ZNF667: variants seen among roughly 807,000 people sequenced by gnomAD.
The protein encoded by ZNF667 is myocardial ischemic preconditioning upregulated 1 ortholog.
ZNF667 carries 13 observed loss-of-function variants against 31.8 expected under a neutral mutation model. The observed-to-expected ratio is 0.41, with a 90% CI of 0.27 to 0.65. The LOEUF (loss-of-function observed/expected upper bound fraction) is 0.65. ZNF667 is among the 30% of genes least tolerant of loss of function. The probability of loss-of-function intolerance (pLI) is 0.32; values close to 1 mark genes in which losing one functional copy is unlikely to be tolerated. For missense variants in ZNF667, 642 were observed against 725.6 expected, an observed-to-expected ratio of 0.88 and a Z score of 1.32; for synonymous variants, 228 against 247.1, an observed-to-expected ratio of 0.92 and a Z score of 0.73.
At chr19:56,470,079 C>G in intron 3 of ZNF667, 1 of 455,150 alleles carries the variant, frequency 2.2e-6, no homozygotes, top group South Asian at 1.6e-5. Context: ...TGACCTTGGG[C>G]AAGTTACTGA....
chr19:56,456,940 C>T (rs754923692), intron 6 of ZNF667, among the ~76,000 whole-genome samples: 13 of 151,966 alleles, frequency 8.6e-5, no homozygotes, highest in Admixed American at 7.9e-4. Context: ...AAATAATGCA[C>T]GTGTCTTCTT....
chr19:56,467,514 A>G (rs2043188841), intron 3 of ZNF667, among the ~76,000 whole-genome samples: 1 of 152,078 alleles, frequency 6.6e-6, no homozygotes, highest in African/African-American at 2.4e-5. Flanking sequence ...CTCCAACTCA[A>G]TTCTGACACT....
chr19:56,474,833 T>C (rs1329567124), intron 1 of ZNF667: 1 of 152,166 alleles, frequency 6.6e-6, no homozygotes, highest in East Asian at 1.9e-4. Flanking sequence ...CGCCCTTTTT[T>C]TTCTTTTTTT....
chr19:56,450,381 C>T (rs1456626180), intron 6 of ZNF667, among the ~76,000 whole-genome samples: 1 of 152,146 alleles, frequency 6.6e-6, no homozygotes, highest in Admixed American at 6.5e-5. Context: ...AAATGCCCTT[C>T]AAACAGGAAG....
intron 1 of ZNF667, chr19:56,474,618 TG>T (rs1313767514): frequency 7.2e-5 from 11 of 152,710 alleles, no homozygotes; most frequent in African/African-American, 2.6e-4. Context: ...AGAGGTCACT[TG>T]CATCCTCCCC....
At chr19:56,465,071 A>C (rs1486487772) in intron 3 of ZNF667, among the ~76,000 whole-genome samples, 1 of 152,242 alleles carries the variant, frequency 6.6e-6, no homozygotes, top group Non-Finnish European at 1.5e-5. Context: ...ATAAAAAGGC[A>C]GTTGTCTGAA....
chr19:56,456,828 G>A (rs537114879), intron 6 of ZNF667, among the ~76,000 whole-genome samples: 16 of 152,254 alleles, frequency 1.1e-4, no homozygotes, highest in African/African-American at 3.6e-4. Flanking sequence ...AACTGTTTTT[G>A]TCTTTTCCTT....
intron 6 of ZNF667, among the ~76,000 whole-genome samples, chr19:56,448,376 G>T (rs1303836447): frequency 6.6e-6 from 1 of 152,160 alleles, no homozygotes; most frequent in South Asian, 2.1e-4. Context: ...ACACTCTGGT[G>T]TCCTAAGTAA....
At chr19:56,477,251 C>T (rs1412711305) in intron 1 of ZNF667, 21 bp downstream of exon 1, 1 of 152,178 alleles carries the variant, frequency 6.6e-6, no homozygotes, top group East Asian at 1.9e-4. Flanking sequence ...GACACACCCA[C>T]ACTCTCGCCA....
chr19:56,466,669 T>G (rs2147810283), intron 3 of ZNF667, among the ~76,000 whole-genome samples: 1 of 152,350 alleles, frequency 6.6e-6, no homozygotes, highest in East Asian at 1.9e-4. Flanking sequence ...AGCCACATCC[T>G]GAGCTGACCA....
At chr19:56,444,544 C>A (rs981148832) in intron 6 of ZNF667, among the ~76,000 whole-genome samples, 8 of 145,556 alleles carry the variant, frequency 5.5e-5, no homozygotes, top group African/African-American at 2.1e-4. Flanking sequence ...CCCCCATGAT[C>A]CAATCACCTC....
chr19:56,458,994 C>T (rs546773181), intron 5 of ZNF667, among the ~76,000 whole-genome samples: 1 of 152,152 alleles, frequency 6.6e-6, no homozygotes, highest in Non-Finnish European at 1.5e-5. Context: ...AAGTAGGGGA[C>T]AGTCCTGTGG....
At chr19:56,453,050 T>G (rs1031514837) in intron 6 of ZNF667, among the ~76,000 whole-genome samples, 5 of 152,096 alleles carry the variant, frequency 3.3e-5, no homozygotes, top group African/African-American at 1.2e-4. Flanking sequence ...TGATTGCAAC[T>G]GATACTACAG....
intron 1 of ZNF667, chr19:56,475,982 G>T (rs928917530): frequency 6.6e-5 from 10 of 152,192 alleles, no homozygotes; most frequent in Admixed American, 6.5e-4. Flanking sequence ...TTCTCCAGGT[G>T]TGGGACGCCT....
rs1256528981 is a variant in ZNF667 at position 56,442,739 on chromosome 19, A to G, written c.256T>C (p.Ser86Pro). 2.6e-6 allele frequency: 4 copies of G among 1,556,456 alleles called. No homozygotes were observed. In the South Asian group the frequency reaches 4.9e-5, roughly 19 times the overall value. Residue 86 changes from serine (S) to proline (P), a missense_variant and splice_region_variant, in exon 7 of 7, where the codon TCG becomes CCG. Physicochemically the swap from Ser to Pro is moderately conservative, Grantham distance 74 (BLOSUM62 -1). Transcript: ENST00000504904. ...TTCTTGGTCTCACATTTAGACCCCGAGTCTGAAAGACATAAAGGAATTAAA... is the reference window on the plus strand; with the variant it reads ...TTCTTGGTCTCACATTTAGACCCCGGGTCTGAAAGACATAAAGGAATTAAA... ...EPVRRRRAPD[S>P]GSKCETKKLP...
chr19:56,441,075 T>C lies in ZNF667; in HGVS notation c.*87A>G, dbSNP rs928793821. 3 of 1,511,010 alleles carry C rather than the reference T, an allele frequency of 2.0e-6. No homozygotes were observed. Among genetic ancestry groups the C allele is most frequent in the African/African-American group, 2.8e-5 (2 of 71,926 alleles). The allele number at this position is 1,511,010 out of a possible 1,614,324, so 93.6% of individuals were successfully genotyped here. ...TGGGACATATCATCAAATGGTCCCA[T>C]ATACACAAAATTTACATTATAGACA... On this transcript the variant is annotated 3_prime_UTR_variant, in exon 7 of 7. Coordinates refer to ENST00000504904, the MANE Select transcript of ZNF667 (RefSeq NM_001321356.2). This position sits in a 1 kb window ranked among gnomAD's most constrained non-coding sequence, Gnocchi z 4.2.
At chr19:56,449,905 T>A (rs1283747275) in intron 6 of ZNF667, among the ~76,000 whole-genome samples, 1 of 150,106 alleles carries the variant, frequency 6.7e-6, no homozygotes, top group African/African-American at 2.5e-5. Flanking sequence ...ATAGTGAGCT[T>A]GAAGATGGGC....
intron 3 of ZNF667, chr19:56,468,703 T>C (rs539117702): frequency 6.6e-6 from 1 of 152,200 alleles, no homozygotes; most frequent in Non-Finnish European, 1.5e-5. Flanking sequence ...AATTGTAAGA[T>C]TTCAGGAGTT....
chr19:56,443,317 G>A (rs973642813), intron 6 of ZNF667, among the ~76,000 whole-genome samples: 2 of 152,090 alleles, frequency 1.3e-5, no homozygotes, highest in African/African-American at 4.8e-5. Flanking sequence ...AATTTAAAAA[G>A]AACTAGTAAA....
Sources: allele counts gnomAD v4.1 joint callset (sites outside exome capture counted in the v4.1 genomes callset), GRCh38; gene constraint gnomAD v4.1.1; non-coding constraint Gnocchi (gnomAD v3.1); transcripts MANE v1.5; gene names NCBI Gene and HGNC (gene_info 2026-07-23, HGNC 2026-07-21).